Variants in DSP observed in about 807,000 individuals in gnomAD.
DSP encodes the protein desmoplakin.
Under a neutral mutation model 290.6 loss-of-function variants are expected in DSP, and 114 were observed. That is an observed-to-expected ratio of 0.39 (90% CI 0.34 to 0.46). DSP has a LOEUF of 0.46. Ranked by LOEUF, DSP falls within the 20% of genes least tolerant of loss-of-function variation. The probability of loss-of-function intolerance (pLI) is 0.99; values close to 1 mark genes in which losing one functional copy is unlikely to be tolerated. For synonymous variants in DSP, 1,311 were observed against 1,316.4 expected (o/e 1.00, Z 0.09); for missense variants, 3,230 against 3,495.8 (o/e 0.92, Z 1.92).
In DSP at chr6:7,579,479, C is replaced by A. The variant is rs1342976171; in HGVS notation, c.3289C>A (p.Leu1097Ile). 6.2e-7 allele frequency: 1 copy of A among 1,614,002 alleles called. No individual in the cohort carries two copies. Among genetic ancestry groups the A allele is most frequent in the South Asian group, 1.1e-5 (1 of 91,084 alleles). The change falls in exon 23 of 24, where the codon CTA (leucine) becomes ATA (isoleucine). Residue 1097 changes from leucine (L) to isoleucine (I), a missense_variant. By Grantham distance (5) the Leu-to-Ile change is conservative. Transcript: ENST00000379802. The surrounding 1 kb of genome is among the most constrained non-coding windows in gnomAD (Gnocchi z 4.1). ...ELDGKSAKQN[L>I]DKCYGQIKEL... ...GGATGGGAAGTCGGCTAAGCAAAAT[C>A]TAGACAAGTGCTACGGCCAAATAAA...
In DSP at chr6:7,562,929, G is replaced by A. The variant is rs892383364; in HGVS notation, c.726+149G>A. Reference sequence around the variant, plus strand: ...TTTAGAAATCCCACTTCTTAAATGGGGAAGTGGAATCAGTAGCCCTATTAG... The same window carrying A: ...TTTAGAAATCCCACTTCTTAAATGGAGAAGTGGAATCAGTAGCCCTATTAG... On this transcript the variant is annotated intron_variant, in intron 5 of 23. Transcript: ENST00000379802. 227 of 1,205,802 alleles carry A rather than the reference G, an allele frequency of 1.9e-4. No individual in the cohort carries two copies. In the African/African-American group the frequency reaches 3.0e-3, roughly 16 times the overall value. The allele number at this position is 1,205,802 out of a possible 1,614,324, so 74.7% of individuals were successfully genotyped here. A position where few individuals can be genotyped will look rare whatever the true frequency, so the allele number is the denominator to read the frequency against.
intron 12 of DSP, 95 bp from the exon 13 acceptor site, chr6:7,570,342 G>A (rs34072400): frequency 1.3e-6 from 2 of 1,588,494 alleles, no homozygotes; most frequent in African/African-American, 1.3e-5. Flanking sequence ...GACTGTTGTA[G>A]GTTTTTGTGC....
chr6:7,558,011 C>T, intron 2 of DSP, 105 bp from the exon 3 acceptor site: 4 of 1,380,488 alleles, frequency 2.9e-6, no homozygotes, highest in Non-Finnish European at 4.1e-6. Context: ...GCGAAACTTA[C>T]AGTTTTTGTC....
rs778552693 is a variant in DSP, at chr6:7,585,155, C to T, written c.7893C>T (p.Ile2631=). Residue 2631 remains isoleucine, a synonymous_variant, in exon 24 of 24, where the codon ATC becomes ATT. Coordinates refer to ENST00000379802, the MANE Select transcript of DSP (RefSeq NM_004415.4). ...AIFDTENLEK[I]SITEGIERGI... is the part of the protein sequence containing the mutation. ...TTGACACAGAAAACCTGGAGAAAATCTCCATTACAGAAGGTATAGAGCGGG... is the reference window on the plus strand; with the variant it reads ...TTGACACAGAAAACCTGGAGAAAATTTCCATTACAGAAGGTATAGAGCGGG... 1.1e-5 allele frequency: 18 copies of T among 1,614,174 alleles called. 1 individual carries two copies. The South Asian group carries it at 1.4e-4, about 13-fold the overall frequency.
At chr6:7,569,413 A>T in intron 12 of DSP, 73 bp downstream of exon 12, 5 of 1,609,290 alleles carry the variant, frequency 3.1e-6, no homozygotes, top group Non-Finnish European at 4.3e-6. Flanking sequence ...GCAGGTGTTT[A>T]TACCTGAAGC....
intron 19 of DSP, 32 bp downstream of exon 19, chr6:7,576,488 T>C (rs563384654): frequency 6.2e-7 from 1 of 1,613,080 alleles, no homozygotes; most frequent in Non-Finnish European, 8.5e-7. Flanking sequence ...CATAGCTGTT[T>C]TGAGATTAAT....
Position 7,569,211 on chromosome 6 carries a change from G to A in DSP, c.1445G>A (p.Cys482Tyr), listed in dbSNP as rs1472091469. Residue 482 changes from cysteine (C) to tyrosine (Y), a missense_variant, in exon 12 of 24, where the codon TGT (cysteine) becomes TAT (tyrosine). By Grantham distance (194) the Cys-to-Tyr change is radical. Coordinates refer to ENST00000379802, the MANE Select transcript of DSP (RefSeq NM_004415.4). ...AAAATCGTGCATAAGGGGGATGAGTGTATCCTGAAGGACAACAACGAGCGC... is the reference window on the plus strand; with the variant it reads ...AAAATCGTGCATAAGGGGGATGAGTATATCCTGAAGGACAACAACGAGCGC... ...DQKIVHKGDE[C>Y]ILKDNNERSK... 1.3e-5 allele frequency: 21 copies of A among 1,614,226 alleles called. No individual in the cohort carries two copies. Among genetic ancestry groups the A allele is most frequent in the Non-Finnish European group, 1.8e-5 (21 of 1,180,042 alleles).
intron 1 of DSP, 87 bp from the exon 2 acceptor site, chr6:7,555,631 C>T (rs760023602): frequency 2.1e-5 from 27 of 1,257,628 alleles, no homozygotes; most frequent in South Asian, 1.0e-4. Flanking sequence ...GGTTTTGTCC[C>T]GTTTTTGCAA....
At chr6:7,546,084 G>C (rs1758162557) in intron 1 of DSP, among the ~76,000 whole-genome samples, 1 of 152,186 alleles carries the variant, frequency 6.6e-6, no homozygotes, top group South Asian at 2.1e-4. Context: ...TCATAACTGA[G>C]CTTCTGGACT....
In DSP at chr6:7,582,601, A is replaced by T. The variant is rs1759472994; in HGVS notation, c.5380-41A>T. On this transcript the variant is annotated intron_variant, in intron 23 of 23. Coordinates refer to ENST00000379802, the MANE Select transcript of DSP (RefSeq NM_004415.4). This position sits in a 1 kb window ranked among gnomAD's most constrained non-coding sequence, Gnocchi z 4.2. ...TCGTGATAGTAATATGATATGATTC[A>T]AAACATTATTTTTTCCCATTTCTTT... 1 of 1,540,632 alleles carries T rather than the reference A, an allele frequency of 6.5e-7. No homozygotes were observed.
chr6:7,566,512 G>GAAAA (rs200962599), intron 8 of DSP, 31 bp downstream of exon 8: 1 of 1,315,606 alleles, frequency 7.6e-7, no homozygotes. Flanking sequence ...ATTTTTGTTA[G>GAAAA]AAAAAAAAAA....
chr6:7,571,954 G>A lies in DSP; in HGVS notation c.2016G>A (p.Leu672=), dbSNP rs1282905209. 11 of 1,614,198 alleles carry A rather than the reference G, an allele frequency of 6.8e-6. No homozygotes were observed. The highest frequency in any genetic ancestry group is 9.3e-6 in the Non-Finnish European group (11 of 1,180,038). The stretch of plus-strand genomic sequence containing the variant: ...AAGAAACATGGATGCTGATGGAGCT[G>A]CAGAAGATTCGCAGGCAGATAGAGC... ...DKQETWMLME[L]QKIRRQIEHC... is the part of the protein sequence containing the mutation. The change falls in exon 15 of 24, where the codon CTG becomes CTA. Residue 672 remains leucine (L), a synonymous_variant. Transcript: ENST00000379802.
At chr6:7,570,326 A>G in intron 12 of DSP, 111 bp from the exon 13 acceptor site, 1 of 1,509,416 alleles carries the variant, frequency 6.6e-7, no homozygotes, top group Non-Finnish European at 9.2e-7. Flanking sequence ...CTGTTACTTT[A>G]TCAGTGACTG....
Position 7,584,667 on chromosome 6 carries a change from G to C in DSP, c.7405G>C (p.Val2469Leu). Residue 2469 changes from valine (V) to leucine (L), a missense_variant, in exon 24 of 24, where the codon GTT becomes CTT. Val to Leu is a conservative substitution (Grantham distance 32). This residue lies in a region of DSP where 582 missense variants were observed against 555.4 expected (regional missense o/e 1.05). Coordinates refer to ENST00000379802, the MANE Select transcript of DSP (RefSeq NM_004415.4). This position sits in a 1 kb window ranked among gnomAD's most constrained non-coding sequence, Gnocchi z 6.4. Reference sequence around the variant, plus strand: ...CCTCAGGAAGCGTAGAGTGGTCATAGTTGACCCAGAAACCAATAAAGAAAT... The same window carrying C: ...CCTCAGGAAGCGTAGAGTGGTCATACTTGACCCAGAAACCAATAAAGAAAT... ...NTLRKRRVVI[V>L]DPETNKEMSV... 6.2e-7 allele frequency: 1 copy of C among 1,614,086 alleles called. No individual in the cohort carries two copies. Among genetic ancestry groups the C allele is most frequent in the Non-Finnish European group, 8.5e-7 (1 of 1,179,958 alleles).
Position 7,585,963 on chromosome 6 carries a change from G to A in DSP, c.*85G>A. On this transcript the variant is annotated 3_prime_UTR_variant, in exon 24 of 24. Coordinates refer to ENST00000379802, the MANE Select transcript of DSP (RefSeq NM_004415.4). ...AAATAATAGAAAAGAAAATCCCGGT[G>A]CTTGCAGTAGAGTGATAGGACATTC... 1 of 1,361,860 alleles carries A rather than the reference G, an allele frequency of 7.3e-7. No homozygotes were observed. Among genetic ancestry groups the A allele is most frequent in the Non-Finnish European group, 1.0e-6 (1 of 966,592 alleles). The allele number at this position is 1,361,860 out of a possible 1,614,324, so 84.4% of individuals were successfully genotyped here.
At chr6:7,581,642 G>A in intron 23 of DSP, 73 bp downstream of exon 23, 1 of 1,585,276 alleles carries the variant, frequency 6.3e-7, no homozygotes, top group South Asian at 1.1e-5. Context: ...CATCTGAACT[G>A]TGCTCTTTCT....
intron 1 of DSP, among the ~76,000 whole-genome samples, chr6:7,543,042 A>G (rs1304561702): frequency 6.6e-6 from 1 of 152,046 alleles, no homozygotes; most frequent in Non-Finnish European, 1.5e-5. Context: ...CAGCGGAAAC[A>G]GACCGAGGGC....
At chr6:7,570,741 G>A (rs1181043804) in intron 13 of DSP, among the ~76,000 whole-genome samples, 178 bp downstream of exon 13, 4 of 152,188 alleles carry the variant, frequency 2.6e-5, no homozygotes, top group African/African-American at 9.7e-5. Flanking sequence ...GGAGGGATTA[G>A]CATATGGCTG....
chr6:7,558,348 GCTTC>G, intron 3 of DSP, 84 bp downstream of exon 3: 1 of 1,546,722 alleles, frequency 6.5e-7, no homozygotes, highest in Non-Finnish European at 8.8e-7. Flanking sequence ...ATGACCCAGG[GCTTC>G]CTTTGAAGGC....
Sources: allele counts gnomAD v4.1 joint callset (sites outside exome capture counted in the v4.1 genomes callset), GRCh38; gene constraint gnomAD v4.1.1; regional missense constraint gnomAD v4.1.1; non-coding constraint Gnocchi (gnomAD v3.1); transcripts MANE v1.5; gene names NCBI Gene and HGNC (gene_info 2026-07-23, HGNC 2026-07-21).